The following MOG variants were observed in gnomAD, a reference collection of about 807,000 sequenced individuals.
MOG encodes myelin-oligodendrocyte glycoprotein.
Under a neutral mutation model 35.9 loss-of-function variants are expected in MOG, and 20 were observed. That is an observed-to-expected ratio of 0.56 (90% CI 0.39 to 0.81). The LOEUF (loss-of-function observed/expected upper bound fraction) is 0.81. Ranked by LOEUF, MOG falls within the 30% of genes least tolerant of loss-of-function variation. The pLI, the probability that MOG is intolerant of heterozygous loss-of-function variation, is 0.00. For missense variants in MOG, 251 were observed against 301.0 expected (o/e 0.83, Z 1.23); for synonymous variants, 92 against 114.3 (o/e 0.80, Z 1.25).
rs564055743 is a variant in MOG at position 29,670,594 on chromosome 6, C to T, written c.710-107C>T. 20 of 1,582,150 alleles carry T rather than the reference C, an allele frequency of 1.3e-5. No individual in the cohort carries two copies. The highest frequency in any genetic ancestry group is 1.1e-4 in the East Asian group (5 of 44,336). ...ACCACTTACTGGATCTGTGGGATCC[C>T]CCAGTGGAAAGGGCAGTGTGGGTCA... On this transcript the variant is annotated intron_variant, in intron 6 of 7. Transcript: ENST00000376917. The surrounding 1 kb of genome is among the most constrained non-coding windows in gnomAD (Gnocchi z 4.2).
At chr6:29,671,144 T>C in intron 7 of MOG, 28 bp from the exon 8 acceptor site, 2 of 1,613,000 alleles carry the variant, frequency 1.2e-6, no homozygotes. Context: ...TGACATACGT[T>C]TTTCAAGTTA....
intron 1 of MOG, among the ~76,000 whole-genome samples, chr6:29,658,030 T>G (rs1007418821): frequency 3.9e-5 from 6 of 152,200 alleles, no homozygotes; most frequent in Non-Finnish European, 7.3e-5. Context: ...CCTCTCAAAT[T>G]GAGATAAAAT....
chr6:29,668,444 C>T (rs1770696199), intron 5 of MOG, among the ~76,000 whole-genome samples: 1 of 152,202 alleles, frequency 6.6e-6, no homozygotes, highest in South Asian at 2.1e-4. Flanking sequence ...CCTTTTTGTT[C>T]ACTGCAGATT....
At chr6:29,664,526 C>G (rs1317332685) in intron 2 of MOG, 1 of 395,820 alleles carries the variant, frequency 2.5e-6, no homozygotes, top group East Asian at 8.6e-5. Flanking sequence ...TTCTTAAAAG[C>G]TCTAGAAGAG....
At chr6:29,666,992 A>T (rs1770358634) in intron 3 of MOG, among the ~76,000 whole-genome samples, 1 of 152,160 alleles carries the variant, frequency 6.6e-6, no homozygotes, top group Admixed American at 6.5e-5. Context: ...TCTCACCTTG[A>T]ATTCATCCCA....
intron 2 of MOG, among the ~76,000 whole-genome samples, chr6:29,665,929 A>G (rs1192537451): frequency 6.6e-6 from 1 of 152,032 alleles, no homozygotes; most frequent in Non-Finnish European, 1.5e-5. Flanking sequence ...CCAATACACA[A>G]TCTTGACTTT....
At chr6:29,660,658 A>AC (rs1768461953) in intron 2 of MOG, among the ~76,000 whole-genome samples, 1 of 149,458 alleles carries the variant, frequency 6.7e-6, no homozygotes, top group Non-Finnish European at 1.5e-5. Flanking sequence ...AGGAGATGTC[A>AC]CTTTTTGGCT....
At chr6:29,669,551 A>T (rs1281669361) in intron 5 of MOG, among the ~76,000 whole-genome samples, 1 of 152,146 alleles carries the variant, frequency 6.6e-6, no homozygotes, top group Non-Finnish European at 1.5e-5. Context: ...TTGGCCTTCC[A>T]AAGTGCTGGG....
Position 29,671,269 on chromosome 6 carries a change from A to G in MOG, c.*84A>G. On this transcript the variant is annotated 3_prime_UTR_variant, in exon 8 of 8. Transcript: ENST00000376917. Reference sequence around the variant, plus strand: ...GGGGACATCTCATCCATCAAGTTGCACACTCACTGGCATCTTTGCTATGGG... The same window carrying G: ...GGGGACATCTCATCCATCAAGTTGCGCACTCACTGGCATCTTTGCTATGGG... 6.2e-7 allele frequency: 1 copy of G among 1,612,028 alleles called. No individual in the cohort carries two copies. Among genetic ancestry groups the G allele is most frequent in the Non-Finnish European group, 8.5e-7 (1 of 1,180,026 alleles).
Position 29,670,647 on chromosome 6 carries a change from G to A in MOG, c.710-54G>A, listed in dbSNP as rs1029209066. On this transcript the variant is annotated intron_variant, in intron 6 of 7. Coordinates refer to ENST00000376917, the MANE Select transcript of MOG (RefSeq NM_206809.4). The surrounding 1 kb of genome is among the most constrained non-coding windows in gnomAD (Gnocchi z 4.2). ...CCAAATGTCCATAGGGAGGATGTGG[G>A]GAAGGTGCTATTCATCTTCCACTAA... 3.7e-6 allele frequency: 6 copies of A among 1,605,008 alleles called. No individual in the cohort carries two copies. The African/African-American group carries it at 6.7e-5, about 18-fold the overall frequency.
Position 29,670,687 on chromosome 6 carries a change from C to A in MOG, c.710-14C>A, listed in dbSNP as rs779108000. Reference sequence around the variant, plus strand: ...TCTTCCACTAATCACATATTTGTTTCTTTTTGTTTTCAGGGCAATTCCTTG... The same window carrying A: ...TCTTCCACTAATCACATATTTGTTTATTTTTGTTTTCAGGGCAATTCCTTG... On this transcript the variant is annotated splice_polypyrimidine_tract_variant and intron_variant, in intron 6 of 7. Coordinates refer to ENST00000376917, the MANE Select transcript of MOG (RefSeq NM_206809.4). This position sits in a 1 kb window ranked among gnomAD's most constrained non-coding sequence, Gnocchi z 4.2. 1.2e-6 allele frequency: 2 copies of A among 1,612,224 alleles called. No individual in the cohort carries two copies. The highest frequency in any genetic ancestry group is 1.1e-5 in the South Asian group (1 of 90,890).
Position 29,666,255 on chromosome 6 carries a change from CAGACTG to C in MOG, c.544_549del (p.Leu182_Arg183del). 2 of 1,599,462 alleles carry C rather than the reference CAGACTG, an allele frequency of 1.3e-6. No individual in the cohort carries two copies. Among genetic ancestry groups the C allele is most frequent in the Non-Finnish European group, 1.7e-6 (2 of 1,167,672 alleles). On this transcript the variant is annotated inframe_deletion, in exon 3 of 8. Coordinates refer to ENST00000376917, the MANE Select transcript of MOG (RefSeq NM_206809.4). ...GCCTCATCTTCCTCTGCCTGCAGTA[CAGACTG>C]AGAGGTACAGGGCAGAGGGTGGGTG...
intron 2 of MOG, among the ~76,000 whole-genome samples, chr6:29,660,803 G>A (rs1019657943): frequency 6.6e-6 from 1 of 150,598 alleles, no homozygotes; most frequent in Non-Finnish European, 1.5e-5. Flanking sequence ...CCGCCTCCTG[G>A]GTTCAAGTGA....
intron 5 of MOG, 138 bp downstream of exon 5, chr6:29,668,062 C>A (rs1770615225): frequency 3.7e-6 from 3 of 819,954 alleles, no homozygotes; most frequent in Non-Finnish European, 6.2e-6. Flanking sequence ...AATAAGAAGT[C>A]ATTTGCATTT....
chr6:29,657,421 GACATGCCTCCCTTC>G (rs1162871880), intron 1 of MOG, 124 bp downstream of exon 1: 1 of 772,230 alleles, frequency 1.3e-6, no homozygotes, highest in African/African-American at 1.7e-5. Flanking sequence ...TAGACCTACT[GACATGCCTCCCTTC>G]CTCAGAAACC....
At chr6:29,660,216 A>G (rs1362205701) in intron 2 of MOG, among the ~76,000 whole-genome samples, 2 of 152,056 alleles carry the variant, frequency 1.3e-5, no homozygotes. Context: ...AAAAAAAACA[A>G]AAACAAAAAC....
chr6:29,667,863 G>C (rs372470891), intron 4 of MOG, 41 bp from the exon 5 acceptor site: 4 of 1,612,352 alleles, frequency 2.5e-6, no homozygotes, highest in Admixed American at 1.7e-5. Flanking sequence ...GATCCTTTTT[G>C]AGTGCCCTAC....
At chr6:29,668,931 T>C (rs1421234808) in intron 5 of MOG, among the ~76,000 whole-genome samples, 7 of 141,328 alleles carry the variant, frequency 5.0e-5, no homozygotes. Context: ...AAATGTTTCT[T>C]TTTTTTTTTT....
intron 1 of MOG, among the ~76,000 whole-genome samples, chr6:29,658,867 G>A (rs570045190): frequency 8.5e-5 from 13 of 152,152 alleles, no homozygotes; most frequent in Non-Finnish European, 1.8e-4. Context: ...TAATCCCAGC[G>A]CTTTGGGGCC....
Sources: allele counts gnomAD v4.1 joint callset (sites outside exome capture counted in the v4.1 genomes callset), GRCh38; gene constraint gnomAD v4.1.1; non-coding constraint Gnocchi (gnomAD v3.1); transcripts MANE v1.5; gene names NCBI Gene and HGNC (gene_info 2026-07-23, HGNC 2026-07-21).